Variants in ATP8A1 observed in about 807,000 individuals in gnomAD.
ATP8A1 encodes the protein ATPase phospholipid transporting 8A1.
A neutral mutation model predicts 177.7 loss-of-function variants in ATP8A1; 90 were observed. That is an observed-to-expected ratio of 0.51 (90% CI 0.43 to 0.60). The LOEUF is 0.60. ATP8A1 is among the 20% of genes least tolerant of loss of function. The pLI, the probability that ATP8A1 is intolerant of heterozygous loss-of-function variation, is 0.00. For missense variants in ATP8A1, 1,072 were observed against 1,392.8 expected (o/e 0.77, Z 3.67); for synonymous variants, 493 against 485.9 (o/e 1.01, Z -0.19).
At chr4:42,482,379 A>G (rs3935029) in intron 25 of ATP8A1, among the ~76,000 whole-genome samples, 25,956 of 151,986 alleles carry the variant, frequency 0.17, 2,441 homozygotes, top group South Asian at 0.24. Context: ...AGACTGATAC[A>G]AACAGGTTTC....
At position 42,556,021 on chromosome 4, in the gene ATP8A1, C is replaced by G; in HGVS notation, c.1360G>C (p.Asp454His). Residue 454 changes from aspartate (D) to histidine (H), a missense_variant, in exon 16 of 37, where the codon GAT (aspartate) becomes CAT (histidine). Around this residue, in one of 5 missense-constraint regions of ATP8A1, gnomAD observed 388 missense variants for 471.7 expected, o/e 0.82. Transcript: ENST00000381668. ...PDEWQNSQFG[D>H]EKTFSDSSLL... Reference sequence around the variant, plus strand: ...GATGAATCACTAAATGTTTTTTCATCTCCAAACTGTGAGTTCTGCCTGAAG... The same window carrying G: ...GATGAATCACTAAATGTTTTTTCATGTCCAAACTGTGAGTTCTGCCTGAAG... 1 of 1,611,524 alleles carries G rather than the reference C, an allele frequency of 6.2e-7. No homozygotes were observed. Among genetic ancestry groups the G allele is most frequent in the South Asian group, 1.1e-5 (1 of 90,700 alleles).
At chr4:42,598,558 T>C (rs962308726) in intron 6 of ATP8A1, among the ~76,000 whole-genome samples, 2 of 152,176 alleles carry the variant, frequency 1.3e-5, no homozygotes, top group Admixed American at 1.3e-4. Flanking sequence ...GAAAATATAA[T>C]AATTTCCCTG....
chr4:42,446,323 C>A (rs914127230), intron 31 of ATP8A1, among the ~76,000 whole-genome samples: 2 of 151,912 alleles, frequency 1.3e-5, no homozygotes, highest in African/African-American at 2.4e-5. Flanking sequence ...GAAAGGAGAC[C>A]CCCCAGATTT....
intron 1 of ATP8A1, among the ~76,000 whole-genome samples, chr4:42,635,581 T>C (rs952418811): frequency 2.0e-5 from 3 of 151,592 alleles, no homozygotes; most frequent in Non-Finnish European, 4.4e-5. Context: ...AGAACTTAGG[T>C]GTGATTAAAG....
intron 12 of ATP8A1, among the ~76,000 whole-genome samples, chr4:42,576,885 G>C (rs1197413944): frequency 1.3e-5 from 2 of 152,212 alleles, no homozygotes; most frequent in African/African-American, 4.8e-5. Context: ...AGATAGGATA[G>C]AATTGGCATG....
At chr4:42,582,763 C>T (rs1483110216) in intron 9 of ATP8A1, among the ~76,000 whole-genome samples, 1 of 152,130 alleles carries the variant, frequency 6.6e-6, no homozygotes, top group African/African-American at 2.4e-5. Context: ...ATTTAAGACA[C>T]ATTTTTCATG....
chr4:42,587,209 C>T (rs143963489), intron 8 of ATP8A1, among the ~76,000 whole-genome samples: 2,854 of 152,070 alleles, frequency 0.019, 75 homozygotes, highest in African/African-American at 0.064. Context: ...ATAGAAAGTA[C>T]GGCTTTTTAA....
At chr4:42,561,578 T>A (rs1183260545) in intron 15 of ATP8A1, 1 of 152,272 alleles carries the variant, frequency 6.6e-6, no homozygotes, top group Non-Finnish European at 1.5e-5. Flanking sequence ...CAGAATTATC[T>A]GCCCACTCCA....
chr4:42,616,631 G>A (rs897372197), intron 4 of ATP8A1, among the ~76,000 whole-genome samples: 1 of 152,140 alleles, frequency 6.6e-6, no homozygotes, highest in Non-Finnish European at 1.5e-5. Context: ...CCTGTTCAAT[G>A]CTCCCCAGCA....
chr4:42,630,992 T>C (rs1303202055), intron 1 of ATP8A1, among the ~76,000 whole-genome samples: 1 of 152,260 alleles, frequency 6.6e-6, no homozygotes, highest in African/African-American at 2.4e-5. Context: ...TTACAATACA[T>C]GTAATTTGTA....
chr4:42,532,802 G>A (rs1165028878), intron 20 of ATP8A1, among the ~76,000 whole-genome samples: 3 of 152,176 alleles, frequency 2.0e-5, no homozygotes, highest in Non-Finnish European at 4.4e-5. Context: ...GCACAAAAGT[G>A]AAAATAGCCT....
chr4:42,419,700 G>C (rs1383468820), intron 35 of ATP8A1, among the ~76,000 whole-genome samples: 1 of 152,170 alleles, frequency 6.6e-6, no homozygotes, highest in Non-Finnish European at 1.5e-5. Context: ...TGATAAAGTA[G>C]ATATAAAATT....
chr4:42,624,065 A>T (rs1737787173), intron 4 of ATP8A1, among the ~76,000 whole-genome samples: 1 of 152,138 alleles, frequency 6.6e-6, no homozygotes, highest in Non-Finnish European at 1.5e-5. Flanking sequence ...AAAATAGCTA[A>T]TTTGGTTACT....
intron 20 of ATP8A1, among the ~76,000 whole-genome samples, chr4:42,536,512 A>T (rs1264176410): frequency 1.3e-5 from 2 of 152,214 alleles, no homozygotes; most frequent in Non-Finnish European, 2.9e-5. Flanking sequence ...GCTGAATTCT[A>T]TCACACATTC....
intron 1 of ATP8A1, among the ~76,000 whole-genome samples, chr4:42,646,572 CTT>C: frequency 6.6e-6 from 1 of 152,138 alleles, no homozygotes; most frequent in East Asian, 1.9e-4. Context: ...CAAACCATCT[CTT>C]TGACTCAACC....
intron 9 of ATP8A1, among the ~76,000 whole-genome samples, chr4:42,584,070 A>G (rs958489726): frequency 2.6e-5 from 4 of 152,238 alleles, no homozygotes; most frequent in African/African-American, 9.6e-5. Context: ...AATGAGGATG[A>G]CAGTTCAGGG....
At chr4:42,554,051 G>A (rs1560452224) in intron 16 of ATP8A1, among the ~76,000 whole-genome samples, 1 of 152,226 alleles carries the variant, frequency 6.6e-6, no homozygotes, top group Non-Finnish European at 1.5e-5. Flanking sequence ...GCAGGGGCCA[G>A]ATCATGTTAC....
At chr4:42,551,302 A>G (rs768200042) in intron 17 of ATP8A1, 22 bp from the exon 18 acceptor site, 5 of 1,548,912 alleles carry the variant, frequency 3.2e-6, no homozygotes, top group Non-Finnish European at 4.5e-6. Context: ...AAAGAGGTAA[A>G]AGCAAACACA....
intron 25 of ATP8A1, among the ~76,000 whole-genome samples, chr4:42,472,637 G>C (rs984272160): frequency 2.6e-5 from 4 of 151,792 alleles, no homozygotes; most frequent in African/African-American, 9.7e-5. Context: ...CCAGCTACTC[G>C]GGATGCTAAG....
Sources: allele counts gnomAD v4.1 joint callset (sites outside exome capture counted in the v4.1 genomes callset), GRCh38; gene constraint gnomAD v4.1.1; regional missense constraint gnomAD v4.1.1; transcripts MANE v1.5; gene names NCBI Gene and HGNC (gene_info 2026-07-23, HGNC 2026-07-21).